The following SGCD variants were observed in gnomAD, a reference collection of about 807,000 sequenced individuals.
SGCD encodes the protein sarcoglycan delta, also known as delta-sarcoglycan.
Under a neutral mutation model 36.6 loss-of-function variants are expected in SGCD, and 18 were observed. The observed-to-expected ratio is 0.49, with a 90% CI of 0.34 to 0.73. The LOEUF (loss-of-function observed/expected upper bound fraction) is 0.73. Ranked by LOEUF, SGCD falls within the 30% of genes least tolerant of loss-of-function variation. The pLI is 0.01. For missense variants in SGCD, 387 were observed against 346.7 expected (o/e 1.12, Z -0.92); for synonymous variants, 133 against 130.6 (o/e 1.02, Z -0.12).
intron 1 of SGCD, among the ~76,000 whole-genome samples, chr5:156,017,437 A>T (rs754236146): frequency 1.3e-5 from 2 of 152,002 alleles, no homozygotes; most frequent in Non-Finnish European, 2.9e-5. Context: ...AGAGGAATTC[A>T]TTCATGTTTT....
At chr5:156,424,080 T>C (rs910067543) in intron 3 of SGCD, among the ~76,000 whole-genome samples, 19 of 152,044 alleles carry the variant, frequency 1.2e-4, no homozygotes, top group African/African-American at 4.6e-4. Context: ...TAAAATACTT[T>C]CTTTCATTTC....
At chr5:156,114,901 G>A (rs868557002) in intron 1 of SGCD, among the ~76,000 whole-genome samples, 29 of 152,036 alleles carry the variant, frequency 1.9e-4, no homozygotes, top group Non-Finnish European at 4.0e-4. Flanking sequence ...TTGGAGAAAA[G>A]GTGTTCAATA....
intron 1 of SGCD, among the ~76,000 whole-genome samples, chr5:155,942,318 G>GTATCTATCTATCTATCTATC (rs1215503536): frequency 5.4e-5 from 4 of 73,738 alleles, no homozygotes; most frequent in South Asian, 4.6e-4. Context: ...ATGTATGTAT[G>GTATCTATCTATCTATCTATC]TATGTATGTA....
intron 4 of SGCD, among the ~76,000 whole-genome samples, chr5:156,524,184 C>CTATATATATA (rs370041027): frequency 7.2e-4 from 54 of 75,234 alleles, no homozygotes; most frequent in African/African-American, 1.3e-3. Context: ...ATAGGTCTTA[C>CTATATATATA]TATATATATA....
rs533778738 is a variant in SGCD at position 156,635,330 on chromosome 5, A to G, written c.503-12134A>G. ...CAGAGAAATGCAAATCAAAACCACA[A>G]TGAGATACCATCTGTCACCAGTTAG... On this transcript the variant is annotated intron_variant, in intron 6 of 8. Transcript: ENST00000337851. 2.6e-4 allele frequency among the ~76,000 whole-genome samples: 40 copies of G among 152,326 alleles called. 1 individual carries two copies. The South Asian group carries it at 8.1e-3, about 31-fold the overall frequency.
intron 1 of SGCD, among the ~76,000 whole-genome samples, chr5:156,076,194 T>C (rs1461168143): frequency 6.6e-6 from 1 of 152,144 alleles, no homozygotes; most frequent in Non-Finnish European, 1.5e-5. Flanking sequence ...CTCTGGTTGC[T>C]TCAAAATTCA....
chr5:156,151,554 T>G (rs1462284071), intron 3 of SGCD, among the ~76,000 whole-genome samples: 2 of 151,618 alleles, frequency 1.3e-5, no homozygotes, highest in Non-Finnish European at 2.9e-5. Context: ...CATAATGCAT[T>G]GGCTCATTTC....
chr5:156,152,139 AAAAAC>A (rs1050663366), intron 3 of SGCD, among the ~76,000 whole-genome samples: 7 of 151,530 alleles, frequency 4.6e-5, no homozygotes, highest in South Asian at 2.1e-4. Flanking sequence ...TGAGTTAAAA[AAAAAC>A]AAAACAAAAC....
At chr5:156,479,979 C>A (rs1755351650) in intron 3 of SGCD, among the ~76,000 whole-genome samples, 1 of 152,208 alleles carries the variant, frequency 6.6e-6, no homozygotes, top group African/African-American at 2.4e-5. Context: ...CTGGGAGGAG[C>A]CCCTGTGGGT....
chr5:156,147,765 A>T (rs138366168), intron 3 of SGCD, among the ~76,000 whole-genome samples: 4 of 152,324 alleles, frequency 2.6e-5, no homozygotes, highest in Non-Finnish European at 4.4e-5. Flanking sequence ...TCCAATAAAT[A>T]ACTGGGAGAA....
intron 4 of SGCD, among the ~76,000 whole-genome samples, chr5:156,519,522 G>T (rs890904160): frequency 5.3e-5 from 8 of 151,732 alleles, no homozygotes; most frequent in African/African-American, 1.7e-4. Flanking sequence ...ATTTTATGAA[G>T]CCAGCATAAT....
At chr5:156,177,482 G>A (rs1371326563) in intron 3 of SGCD, among the ~76,000 whole-genome samples, 2 of 152,046 alleles carry the variant, frequency 1.3e-5, no homozygotes, top group East Asian at 1.9e-4. Flanking sequence ...GGAAAACATG[G>A]GCACAGCAAC....
intron 3 of SGCD, among the ~76,000 whole-genome samples, chr5:156,270,048 G>T (rs1317862890): frequency 6.6e-6 from 1 of 152,134 alleles, no homozygotes; most frequent in East Asian, 1.9e-4. Context: ...GTTGATTTTT[G>T]TATTTGGTGT....
intron 2 of SGCD, among the ~76,000 whole-genome samples, chr5:156,119,374 G>A (rs1761979564): frequency 6.6e-6 from 1 of 152,084 alleles, no homozygotes; most frequent in African/African-American, 2.4e-5. Flanking sequence ...CTAGTTATGT[G>A]ATTTCAATCA....
chr5:155,982,803 A>T (rs965905899), intron 1 of SGCD, among the ~76,000 whole-genome samples: 9 of 152,170 alleles, frequency 5.9e-5, no homozygotes, highest in Admixed American at 3.3e-4. Flanking sequence ...TTTGGAAATT[A>T]TGACAGTTCC....
chr5:156,500,098 A>G (rs1433041284), intron 3 of SGCD, among the ~76,000 whole-genome samples: 1 of 152,198 alleles, frequency 6.6e-6, no homozygotes, highest in Non-Finnish European at 1.5e-5. Context: ...GTATGCGTCC[A>G]ACCCCCCAAT....
At position 156,071,319 on chromosome 5, in the gene SGCD, T is replaced by G. The variant is rs191401699; in HGVS notation, c.-281-46559T>G. Among the ~76,000 whole-genome samples the G allele has an allele frequency of 5.8e-3, 882 of 152,348 alleles. 5 individuals carry two copies. Among genetic ancestry groups the G allele is most frequent in the African/African-American group, 0.02 (814 of 41,578 alleles). On this transcript the variant is annotated intron_variant, in intron 1 of 9. Coordinates refer to the SGCD transcript ENST00000517913. ...TGCTTTGAATGTGTCCCAGAGATTC[T>G]GGTATGTTGTATCTTTGTTCTCATT...
Position 156,665,408 on chromosome 5 carries a change from A to AT in SGCD, c.575+17878dup, listed in dbSNP as rs1290465613. 1.1e-4 allele frequency among the ~76,000 whole-genome samples: 17 copies of AT among 152,338 alleles called. No individual in the cohort carries two copies. In the South Asian group the frequency reaches 2.5e-3, roughly 22 times the overall value. ...TGTAAACTTTCGGTTTCTTTCTGGG[A>AT]TTTTTTCCTTGTGTTTTCATTACAA... On this transcript the variant is annotated intron_variant, in intron 7 of 8. Transcript: ENST00000337851.
intron 5 of SGCD, among the ~76,000 whole-genome samples, chr5:156,592,471 A>G (rs60105121): frequency 0.036 from 5,523 of 152,206 alleles, 337 homozygotes; most frequent in African/African-American, 0.13. Flanking sequence ...CTCATTGGAC[A>G]TCTCAGCTCT....
Sources: gnomAD v4.1 joint callset for allele counts (sites outside exome capture counted in the v4.1 genomes callset) on GRCh38, gnomAD v4.1.1 for gene constraint, MANE v1.5 for transcripts, NCBI Gene and HGNC (gene_info 2026-07-23, HGNC 2026-07-21) for gene names.